Variants in DOCK3 observed in about 807,000 individuals in gnomAD.
The protein encoded by DOCK3 is dedicator of cytokinesis 3, also known as dedicator of cytokinesis protein 3.
In DOCK3, 60 loss-of-function variants were observed where a neutral mutation model predicts 265.6. The ratio of observed to expected loss-of-function variants is 0.23; its 90% CI spans 0.18 to 0.28. DOCK3 has a LOEUF of 0.28. Ranked by LOEUF, DOCK3 falls within the 10% of genes least tolerant of loss-of-function variation. DOCK3 has a pLI of 1.00. For synonymous variants in DOCK3, 881 were observed against 938.0 expected, an observed-to-expected ratio of 0.94 and a Z score of 1.11; for missense variants, 1,981 against 2,594.3, an observed-to-expected ratio of 0.76 and a Z score of 5.14.
intron 22 of DOCK3, among the ~76,000 whole-genome samples, chr3:51,248,908 G>A (rs1472292164): frequency 8.0e-5 from 12 of 149,326 alleles, no homozygotes; most frequent in Non-Finnish European, 1.6e-4. Context: ...GGTGAGGAGC[G>A]TCTCTGCCCG....
chr3:50,844,810 C>T (rs370359889), intron 3 of DOCK3, among the ~76,000 whole-genome samples: 1 of 152,166 alleles, frequency 6.6e-6, no homozygotes, highest in East Asian at 1.9e-4. Context: ...TCTGCATACA[C>T]TTCTACAGTA....
At chr3:51,197,205 GGGACTAGGATGCCA>G (rs1353119606) in intron 12 of DOCK3, among the ~76,000 whole-genome samples, 2 of 152,176 alleles carry the variant, frequency 1.3e-5, no homozygotes, top group African/African-American at 2.4e-5. Flanking sequence ...AGTTGTGCTG[GGGACTAGGATGCCA>G]GGTGGGCCAG....
chr3:50,981,614 C>G (rs918131296), intron 5 of DOCK3, among the ~76,000 whole-genome samples: 3 of 152,192 alleles, frequency 2.0e-5, no homozygotes, highest in East Asian at 1.9e-4. Context: ...CTTTATACAT[C>G]TGAGTGATCC....
intron 6 of DOCK3, among the ~76,000 whole-genome samples, chr3:51,065,884 G>A (rs2081574806): frequency 6.6e-6 from 1 of 152,180 alleles, no homozygotes; most frequent in Admixed American, 6.5e-5. Flanking sequence ...AAGACAGAGA[G>A]AGACCAAGAT....
chr3:51,269,710 A>C (rs762227774), intron 23 of DOCK3, among the ~76,000 whole-genome samples: 15 of 152,180 alleles, frequency 9.9e-5, no homozygotes, highest in Non-Finnish European at 1.5e-5. Flanking sequence ...ATCCTGAGTT[A>C]ATGGCATAAG....
chr3:51,067,539 CTTCTCCCTCTTTCCTATTTCTCCTT>C (rs2081648261), intron 6 of DOCK3, among the ~76,000 whole-genome samples: 2 of 150,760 alleles, frequency 1.3e-5, no homozygotes, highest in Non-Finnish European at 3.0e-5. Context: ...CCCCACTTCC[CTTCTCCCTCTTTCCTATTTCTCCTT>C]TTCTCCCTTC....
intron 5 of DOCK3, among the ~76,000 whole-genome samples, chr3:50,983,650 G>C (rs1003000400): frequency 3.3e-5 from 5 of 152,144 alleles, no homozygotes; most frequent in Non-Finnish European, 7.3e-5. Context: ...AGTCTCCTCT[G>C]AGCTGTTCTA....
intron 5 of DOCK3, among the ~76,000 whole-genome samples, chr3:50,992,175 T>G (rs2078130359): frequency 6.6e-6 from 1 of 152,062 alleles, no homozygotes; most frequent in South Asian, 2.1e-4. Context: ...ACTTCACAAC[T>G]GAAAGAATCA....
chr3:51,251,282 G>T (rs943115473), intron 22 of DOCK3, among the ~76,000 whole-genome samples: 1 of 152,130 alleles, frequency 6.6e-6, no homozygotes, highest in African/African-American at 2.4e-5. Context: ...TGGACATTTG[G>T]GTTGGTTCCA....
At chr3:51,198,030 G>C (rs773077552) in intron 12 of DOCK3, among the ~76,000 whole-genome samples, 1 of 152,220 alleles carries the variant, frequency 6.6e-6, no homozygotes, top group Non-Finnish European at 1.5e-5. Flanking sequence ...AGCTCTGGCT[G>C]TAGGTATGCT....
At chr3:51,077,196 C>A (rs1276412785) in intron 7 of DOCK3, among the ~76,000 whole-genome samples, 1 of 151,966 alleles carries the variant, frequency 6.6e-6, no homozygotes, top group East Asian at 1.9e-4. Context: ...TTTTGATGAT[C>A]AATTAGATAT....
At chr3:50,761,838 G>A (rs986505832) in intron 1 of DOCK3, among the ~76,000 whole-genome samples, 2 of 152,170 alleles carry the variant, frequency 1.3e-5, no homozygotes, top group Non-Finnish European at 1.5e-5. Flanking sequence ...ATTCACAATA[G>A]CAAAGACTTG....
chr3:50,750,921 T>A (rs2039758193), intron 1 of DOCK3, among the ~76,000 whole-genome samples: 1 of 152,210 alleles, frequency 6.6e-6, no homozygotes. Flanking sequence ...CCAAACAAAT[T>A]ATTTTTTGAG....
intron 32 of DOCK3, among the ~76,000 whole-genome samples, chr3:51,323,722 A>G (rs1160523105): frequency 1.3e-5 from 2 of 152,182 alleles, no homozygotes; most frequent in Admixed American, 1.3e-4. Flanking sequence ...AATGCCCACA[A>G]GATAAAGCTG....
At chr3:50,687,229 GA>G (rs957377133) in intron 1 of DOCK3, among the ~76,000 whole-genome samples, 3 of 150,866 alleles carry the variant, frequency 2.0e-5, no homozygotes, top group African/African-American at 4.9e-5. Flanking sequence ...AAAAAAAAAA[GA>G]AAAAAAAATC....
chr3:50,719,950 G>A (rs1187171442), intron 1 of DOCK3: 6 of 488,042 alleles, frequency 1.2e-5, no homozygotes, highest in Admixed American at 2.9e-5. Context: ...CCACAGTGAT[G>A]TCGGGGTTCT....
rs545652300 is a variant in DOCK3 at position 50,787,614 on chromosome 3, C to T, written c.121+8856C>T. On this transcript the variant is annotated intron_variant, in intron 2 of 52. Transcript: ENST00000266037. ...CTGGTGCTTCAGGCTCCTTTGTTTC[C>T]CGCTTCTTACGCTTAGGTGGCTCTG... The T allele has an allele frequency of 1.1e-4, 136 of 1,243,110 alleles. No individual in the cohort carries two copies. In the South Asian group the frequency reaches 1.5e-3, roughly 14 times the overall value. 77.0% of individuals were successfully genotyped at this position (1,243,110 alleles called of 1,614,324 possible).
intron 6 of DOCK3, among the ~76,000 whole-genome samples, chr3:51,069,566 A>G (rs1158618961): frequency 3.3e-5 from 5 of 149,580 alleles, no homozygotes; most frequent in East Asian, 1.9e-4. Context: ...GTGTATATAT[A>G]TGTGTGTATA....
At chr3:51,027,546 C>T (rs2079872099) in intron 5 of DOCK3, among the ~76,000 whole-genome samples, 1 of 152,068 alleles carries the variant, frequency 6.6e-6, no homozygotes, top group African/African-American at 2.4e-5. Flanking sequence ...GTTTTGAAGT[C>T]TCCCACTATT....
Sources: allele counts gnomAD v4.1 joint callset (sites outside exome capture counted in the v4.1 genomes callset), GRCh38; gene constraint gnomAD v4.1.1; transcripts MANE v1.5; gene names NCBI Gene and HGNC (gene_info 2026-07-23, HGNC 2026-07-21).